RSPO2: variants seen among roughly 807,000 people sequenced by gnomAD.
RSPO2 encodes the protein R-spondin-2.
Under a neutral mutation model 30.9 loss-of-function variants are expected in RSPO2, and 14 were observed. The ratio of observed to expected loss-of-function variants is 0.45; its 90% CI spans 0.30 to 0.71. The LOEUF (loss-of-function observed/expected upper bound fraction) is 0.71, where lower values mean the gene tolerates loss of function less well. RSPO2 is among the 30% of genes least tolerant of loss of function. RSPO2 has a pLI of 0.08. For synonymous variants in RSPO2, 107 were observed against 96.4 expected (o/e 1.11, Z -0.64); for missense variants, 264 against 301.9 (o/e 0.87, Z 0.93).
intron 2 of RSPO2, among the ~76,000 whole-genome samples, chr8:108,021,651 T>C (rs1035915562): frequency 6.6e-6 from 1 of 152,074 alleles, no homozygotes; most frequent in African/African-American, 2.4e-5. Flanking sequence ...CTCTCCTTGG[T>C]GGCCCTAATG....
At chr8:108,008,158 A>T (rs778407244) in intron 2 of RSPO2, among the ~76,000 whole-genome samples, 5 of 152,098 alleles carry the variant, frequency 3.3e-5, no homozygotes, top group Non-Finnish European at 7.4e-5. Context: ...TTCTAGGGCC[A>T]CCATATATGT....
intron 2 of RSPO2, among the ~76,000 whole-genome samples, chr8:108,049,111 T>A (rs1811995810): frequency 6.6e-6 from 1 of 151,926 alleles, no homozygotes; most frequent in African/African-American, 2.4e-5. Context: ...GGTGGGGAAC[T>A]GGGGGACGGA....
rs184622197 is a variant in RSPO2, at chr8:108,014,604, A to G, written c.95-25360T>C. Among the ~76,000 whole-genome samples, 184 of 152,218 alleles carry G rather than the reference A, an allele frequency of 1.2e-3. 1 individual carries two copies. The highest frequency in any genetic ancestry group is 4.2e-3 in the African/African-American group (176 of 41,526). ...CAAATTAACACAGGAACAGAAAACTAAACACCGCATGTTCTCATTCATAAG... is the reference window on the plus strand; with the variant it reads ...CAAATTAACACAGGAACAGAAAACTGAACACCGCATGTTCTCATTCATAAG... On this transcript the variant is annotated intron_variant, in intron 2 of 5. Coordinates refer to ENST00000276659, the MANE Select transcript of RSPO2 (RefSeq NM_178565.5).
At chr8:107,986,400 C>G (rs1814634732) in intron 3 of RSPO2, among the ~76,000 whole-genome samples, 1 of 152,150 alleles carries the variant, frequency 6.6e-6, no homozygotes. Flanking sequence ...CTATCCATAG[C>G]AAACCCTTTC....
At position 107,901,166 on chromosome 8, in the gene RSPO2, TCCTTCG is replaced by T. The variant is rs1414189814; in HGVS notation, c.635_640del (p.Ala212_Lys213del). On this transcript the variant is annotated inframe_deletion, in exon 6 of 6. Coordinates refer to ENST00000276659, the MANE Select transcript of RSPO2 (RefSeq NM_178565.5). Reference sequence around the variant, plus strand: ...CCTTTTCTTTTTCTTGTTCCTCTTCTCCTTCGCCTTTGGTGTTCTCTTCCCTGCAAT... The same window carrying T: ...CCTTTTCTTTTTCTTGTTCCTCTTCTCCTTTGGTGTTCTCTTCCCTGCAAT... The T allele has an allele frequency of 1.1e-5, 17 of 1,613,710 alleles. No individual in the cohort carries two copies. Among genetic ancestry groups the T allele is most frequent in the Non-Finnish European group, 1.4e-5 (16 of 1,179,868 alleles).
Position 108,044,205 on chromosome 8 carries a change from G to A in RSPO2, c.94+38340C>T, listed in dbSNP as rs141931815. On this transcript the variant is annotated intron_variant, in intron 2 of 5. Transcript: ENST00000276659. ...ATTTATTTAGGAAGTGATCAGGATG[G>A]GAAGAAGTCTTTTCTGGGGAGAGGT... Among the ~76,000 whole-genome samples, 168 of 152,078 alleles carry A rather than the reference G, an allele frequency of 1.1e-3. 4 individuals are homozygous for A. The East Asian group carries it at 0.024, about 22-fold the overall frequency.
intron 5 of RSPO2, among the ~76,000 whole-genome samples, chr8:107,910,711 C>T (rs948954776): frequency 1.3e-5 from 2 of 152,014 alleles, no homozygotes; most frequent in African/African-American, 4.8e-5. Context: ...TAATATTTAC[C>T]ACCTCCTATT....
intron 2 of RSPO2, among the ~76,000 whole-genome samples, chr8:108,031,304 G>A (rs936603746): frequency 6.6e-6 from 1 of 152,166 alleles, no homozygotes; most frequent in South Asian, 2.1e-4. Flanking sequence ...TGCAGAAAAC[G>A]TGACTCAGGA....
At chr8:108,031,227 T>C (rs184662648) in intron 2 of RSPO2, among the ~76,000 whole-genome samples, 29 of 152,306 alleles carry the variant, frequency 1.9e-4, no homozygotes, top group Admixed American at 5.2e-4. Context: ...CTTCAAATAG[T>C]GGCTATAAAG....
chr8:108,065,132 G>C (rs1812620087), intron 2 of RSPO2, among the ~76,000 whole-genome samples: 1 of 151,592 alleles, frequency 6.6e-6, no homozygotes, highest in African/African-American at 2.4e-5. Flanking sequence ...TAACGAACCT[G>C]CGCATTGTGC....
At chr8:108,003,051 AT>A (rs35346404) in intron 2 of RSPO2, among the ~76,000 whole-genome samples, 43,897 of 136,254 alleles carry the variant, frequency 0.32, 7,077 homozygotes, top group African/African-American at 0.44. Context: ...GACCTCAATA[AT>A]TTTTTTTTTT....
intron 5 of RSPO2, among the ~76,000 whole-genome samples, chr8:107,952,827 CT>C (rs1167450581): frequency 6.6e-6 from 1 of 152,104 alleles, no homozygotes; most frequent in Non-Finnish European, 1.5e-5. Context: ...CTACTACTAC[CT>C]TTTTAAAAGT....
At chr8:108,034,473 C>T (rs989049944) in intron 2 of RSPO2, among the ~76,000 whole-genome samples, 3 of 152,138 alleles carry the variant, frequency 2.0e-5, no homozygotes, top group African/African-American at 7.2e-5. Flanking sequence ...GGATAAAGTA[C>T]ATGATATCAG....
chr8:107,963,209 C>T (rs1300692731), intron 3 of RSPO2, among the ~76,000 whole-genome samples: 1 of 148,566 alleles, frequency 6.7e-6, no homozygotes, highest in Non-Finnish European at 1.5e-5. Context: ...TAAGTAATGA[C>T]CTGAAAAACC....
chr8:107,969,404 C>T (rs1813922936), intron 3 of RSPO2, among the ~76,000 whole-genome samples: 2 of 152,076 alleles, frequency 1.3e-5, no homozygotes, highest in Non-Finnish European at 2.9e-5. Context: ...TTTAAAAACT[C>T]CAAATTCAAA....
At chr8:108,003,588 T>C (rs183542648) in intron 2 of RSPO2, among the ~76,000 whole-genome samples, 5 of 151,942 alleles carry the variant, frequency 3.3e-5, no homozygotes, top group Admixed American at 2.6e-4. Context: ...GAAATCTAAT[T>C]GCTTAACTAT....
chr8:108,062,584 A>G (rs1309572994), intron 2 of RSPO2, among the ~76,000 whole-genome samples: 2 of 151,906 alleles, frequency 1.3e-5, no homozygotes, highest in Non-Finnish European at 2.9e-5. Flanking sequence ...TTGGATTCAC[A>G]GCCGAATTCT....
At chr8:108,043,561 T>A (rs767920842) in intron 2 of RSPO2, among the ~76,000 whole-genome samples, 6 of 151,416 alleles carry the variant, frequency 4.0e-5, no homozygotes, top group Non-Finnish European at 7.4e-5. Context: ...TTGGTTCTAT[T>A]TTTTTACTCA....
chr8:108,007,264 C>T (rs1319465912), intron 2 of RSPO2, among the ~76,000 whole-genome samples: 1 of 152,196 alleles, frequency 6.6e-6, no homozygotes, highest in Non-Finnish European at 1.5e-5. Context: ...CTACAATCCA[C>T]ATTTGAATGA....
Sources: gnomAD v4.1 joint callset for allele counts (sites outside exome capture counted in the v4.1 genomes callset) on GRCh38, gnomAD v4.1.1 for gene constraint, MANE v1.5 for transcripts, NCBI Gene and HGNC (gene_info 2026-07-23, HGNC 2026-07-21) for gene names.